KMT2C: variants seen among roughly 807,000 people sequenced by gnomAD.
The protein encoded by KMT2C is histone-lysine N-methyltransferase 2C.
Under a neutral mutation model 507.9 loss-of-function variants are expected in KMT2C, and 88 were observed. That is an observed-to-expected ratio of 0.17 (90% CI 0.15 to 0.21). The LOEUF is 0.21. Among genes scored for constraint, KMT2C ranks in the 10% least tolerant of loss-of-function variants. KMT2C has a pLI of 1.00. For synonymous variants in KMT2C, 2,049 were observed against 2,080.8 expected (o/e 0.98, Z 0.42); for missense variants, 4,954 against 5,957.8 (o/e 0.83, Z 5.55).
At chr7:152,281,786 A>T (rs1319726176) in intron 6 of KMT2C, among the ~76,000 whole-genome samples, 1 of 151,914 alleles carries the variant, frequency 6.6e-6, no homozygotes, top group Non-Finnish European at 1.5e-5. Flanking sequence ...AACCACCACC[A>T]TTTCAGGTAG....
intron 6 of KMT2C, among the ~76,000 whole-genome samples, chr7:152,301,733 T>C (rs1055154799): frequency 6.6e-6 from 1 of 152,172 alleles, no homozygotes; most frequent in Admixed American, 6.5e-5. Flanking sequence ...GAGGGATACA[T>C]ACTTTAAGAA....
intron 1 of KMT2C, among the ~76,000 whole-genome samples, chr7:152,411,007 A>AT (rs376027941): frequency 2.0e-5 from 3 of 151,444 alleles, no homozygotes; most frequent in Admixed American, 6.6e-5. Context: ...AGTCTCAAAA[A>AT]AAATATATAT....
chr7:152,402,043 G>A, intron 1 of KMT2C, among the ~76,000 whole-genome samples: 1 of 152,266 alleles, frequency 6.6e-6, no homozygotes, highest in South Asian at 2.1e-4. Flanking sequence ...CCGGGCGGCA[G>A]AGGTTGCAGC....
chr7:152,328,847 A>G (rs901655041), intron 3 of KMT2C, among the ~76,000 whole-genome samples: 1 of 152,154 alleles, frequency 6.6e-6, no homozygotes, highest in Non-Finnish European at 1.5e-5. Context: ...TTTCTGGACT[A>G]AACAACTGAG....
intron 56 of KMT2C, among the ~76,000 whole-genome samples, 155 bp from the exon 57 acceptor site, chr7:152,139,414 T>C (rs902366891): frequency 6.6e-6 from 1 of 152,224 alleles, no homozygotes; most frequent in Admixed American, 6.5e-5. Flanking sequence ...GACATTTACA[T>C]GGCACGAATG....
rs113777557 is a variant in KMT2C at position 152,301,088 on chromosome 7, C to T, written c.849+8878G>A. On this transcript the variant is annotated intron_variant, in intron 6 of 58. Transcript: ENST00000262189. Reference sequence around the variant, plus strand: ...AAGAAAAAAACTATAAAGGGCTGGGCGCAGTGGCTCACGCCTATAATACTA... The same window carrying T: ...AAGAAAAAAACTATAAAGGGCTGGGTGCAGTGGCTCACGCCTATAATACTA... Among the ~76,000 whole-genome samples, 7 of 151,202 alleles carry T rather than the reference C, an allele frequency of 4.6e-5. No homozygotes were observed. In the South Asian group the frequency reaches 8.4e-4, roughly 18 times the overall value.
rs139774561 is a variant in KMT2C, at chr7:152,147,267, C to T, written c.13895-532G>A. ...CTAGACTTAACCATGGAGGTCCAAACTAAGTGTTTAATTTCCATCTCTAAA... is the reference window on the plus strand; with the variant it reads ...CTAGACTTAACCATGGAGGTCCAAATTAAGTGTTTAATTTCCATCTCTAAA... On this transcript the variant is annotated intron_variant, in intron 52 of 58. Transcript: ENST00000262189. 4.7e-3 allele frequency among the ~76,000 whole-genome samples: 715 copies of T among 152,132 alleles called. 2 individuals carry two copies. The highest frequency in any genetic ancestry group is 0.016 in the African/African-American group (674 of 41,484).
At chr7:152,221,855 A>C in intron 22 of KMT2C, 146 bp downstream of exon 22, 1 of 629,266 alleles carries the variant, frequency 1.6e-6, no homozygotes, top group Non-Finnish European at 2.8e-6. Context: ...GACATTTTAT[A>C]TATCATTGTG....
chr7:152,370,644 TAAG>T (rs895649145), intron 1 of KMT2C, among the ~76,000 whole-genome samples: 9 of 152,084 alleles, frequency 5.9e-5, no homozygotes, highest in African/African-American at 2.2e-4. Flanking sequence ...CTCAGGAACA[TAAG>T]AAGAGTAATA....
At chr7:152,150,759 T>C in intron 51 of KMT2C, 141 bp downstream of exon 51, 1 of 632,080 alleles carries the variant, frequency 1.6e-6, no homozygotes, top group South Asian at 1.9e-5. Context: ...CCTCTCCTCC[T>C]CTGCCGGGTC....
intron 6 of KMT2C, among the ~76,000 whole-genome samples, chr7:152,290,272 ATATATATATATATATATATATATTT>A (rs2096395400): frequency 1.1e-3 from 25 of 23,406 alleles, no homozygotes; most frequent in Non-Finnish European, 7.6e-4. Flanking sequence ...ATATATATAT[ATATATATATATATATATATATATTT>A]TTTTTTTTTT....
intron 9 of KMT2C, among the ~76,000 whole-genome samples, chr7:152,255,153 A>AC (rs2095638902): frequency 7.3e-6 from 1 of 136,418 alleles, no homozygotes; most frequent in Non-Finnish European, 1.6e-5. Context: ...ATACATATAT[A>AC]TATATGTGTG....
In KMT2C at chr7:152,135,113, A is replaced by G. The variant is rs1587550810; in HGVS notation, c.*1719T>C. 4.4e-6 allele frequency: 1 copy of G among 226,464 alleles called. No homozygotes were observed. The highest frequency in any genetic ancestry group is 6.4e-5 in the East Asian group (1 of 15,568). 14.0% of individuals were successfully genotyped at this position (226,464 alleles called of 1,614,324 possible). A position where few individuals can be genotyped will look rare whatever the true frequency, so the allele number is the denominator to read the frequency against. On this transcript the variant is annotated 3_prime_UTR_variant, in exon 59 of 59. Coordinates refer to ENST00000262189, the MANE Select transcript of KMT2C (RefSeq NM_170606.3). ...CTGGTAGGATGTCAGGATATTGTAC[A>G]AGAGAAGAAAAATATTCAGGAAACA...
chr7:152,352,112 A>G (rs10240607), intron 2 of KMT2C, among the ~76,000 whole-genome samples: 16,546 of 148,910 alleles, frequency 0.11, 2,140 homozygotes, highest in African/African-American at 0.32. Context: ...CTAAGAAAGC[A>G]AATGCATCCC....
At chr7:152,203,896 G>A (rs2094218599) in intron 25 of KMT2C, among the ~76,000 whole-genome samples, 1 of 152,068 alleles carries the variant, frequency 6.6e-6, no homozygotes, top group African/African-American at 2.4e-5. Flanking sequence ...AGATAAATAA[G>A]GAACCACAGA....
At chr7:152,243,634 A>C (rs932515151) in intron 14 of KMT2C, among the ~76,000 whole-genome samples, 3 of 152,156 alleles carry the variant, frequency 2.0e-5, no homozygotes, top group Admixed American at 6.5e-5. Flanking sequence ...ATATTTAAAA[A>C]ATTAGCCAGG....
intron 4 of KMT2C, among the ~76,000 whole-genome samples, chr7:152,313,961 A>G (rs182436710): frequency 3.4e-4 from 52 of 152,284 alleles, no homozygotes; most frequent in Non-Finnish European, 5.9e-4. Flanking sequence ...ACATGAGGAT[A>G]TAAGATACAG....
chr7:152,292,918 C>T (rs906712151), intron 6 of KMT2C, among the ~76,000 whole-genome samples: 7 of 152,138 alleles, frequency 4.6e-5, no homozygotes, highest in Admixed American at 2.0e-4. Flanking sequence ...CAGGTCCTCA[C>T]CACTCTTCTA....
intron 2 of KMT2C, among the ~76,000 whole-genome samples, chr7:152,351,181 G>C (rs1293916056): frequency 6.6e-6 from 1 of 152,078 alleles, no homozygotes; most frequent in Non-Finnish European, 1.5e-5. Context: ...AAGAAAAGGG[G>C]TACACTCCAA....
Sources: gnomAD v4.1 joint callset for allele counts (sites outside exome capture counted in the v4.1 genomes callset) on GRCh38, gnomAD v4.1.1 for gene constraint, MANE v1.5 for transcripts, NCBI Gene and HGNC (gene_info 2026-07-23, HGNC 2026-07-21) for gene names.